Variants in HTR1F observed in about 807,000 individuals in gnomAD.
HTR1F encodes the protein 5-hydroxytryptamine receptor 1F, also known as 5-hydroxytryptamine (serotonin) receptor 1F, G protein-coupled.
Under a neutral mutation model 24.0 loss-of-function variants are expected in HTR1F, and 17 were observed. The ratio of observed to expected loss-of-function variants is 0.71; its 90% CI spans 0.48 to 1.06. The LOEUF (loss-of-function observed/expected upper bound fraction) is 1.06, where lower values mean the gene tolerates loss of function less well. Ranked by LOEUF, HTR1F falls within the 50% of genes least tolerant of loss-of-function variation. The pLI is 0.00. For synonymous variants in HTR1F, 186 were observed against 156.8 expected, an observed-to-expected ratio of 1.19 and a Z score of -1.39; for missense variants, 391 against 427.8, an observed-to-expected ratio of 0.91 and a Z score of 0.76.
chr3:87,990,138 A>G (rs1294936070), intron 2 of HTR1F, among the ~76,000 whole-genome samples: 1 of 152,148 alleles, frequency 6.6e-6, no homozygotes, highest in Admixed American at 6.5e-5. Context: ...GAGTTTCTTC[A>G]GACCCCCAAT....
intron 2 of HTR1F, among the ~76,000 whole-genome samples, chr3:87,830,682 A>T (rs1258965244): frequency 6.6e-6 from 1 of 152,166 alleles, no homozygotes; most frequent in Non-Finnish European, 1.5e-5. Flanking sequence ...CTGAATCTTT[A>T]TATTTTTACA....
chr3:87,950,584 G>A (rs2107460662), intron 2 of HTR1F, among the ~76,000 whole-genome samples: 1 of 151,452 alleles, frequency 6.6e-6, no homozygotes, highest in Admixed American at 6.6e-5. Flanking sequence ...GAGGAGTAAA[G>A]AGAATTATTT....
intron 1 of HTR1F, among the ~76,000 whole-genome samples, chr3:87,815,854 C>A (rs556693408): frequency 6.6e-6 from 1 of 152,196 alleles, no homozygotes; most frequent in East Asian, 1.9e-4. Flanking sequence ...CCCAGCATTT[C>A]ACTCATCTCC....
At chr3:87,951,270 A>G (rs6551260) in intron 2 of HTR1F, among the ~76,000 whole-genome samples, 40,414 of 152,054 alleles carry the variant, frequency 0.27, 5,816 homozygotes, top group African/African-American at 0.38. Context: ...CAGCATTACC[A>G]CGAAGAACAA....
rs1705873685 is a variant in HTR1F, at chr3:87,993,216, A to G, written c.*1366A>G. ...CCTTCCTGATGGTGTGGTTAAGAGT[A>G]CATTACATCAATTTTATGTATATAT... On this transcript the variant is annotated 3_prime_UTR_variant, in exon 3 of 3. Transcript: ENST00000319595. The G allele has an allele frequency of 6.0e-6, 1 of 166,852 alleles. No individual in the cohort carries two copies. The highest frequency in any genetic ancestry group is 1.5e-5 in the Non-Finnish European group (1 of 68,068). The allele number at this position is 166,852 out of a possible 1,614,324, so 10.3% of individuals were successfully genotyped here. A position where few individuals can be genotyped will look rare whatever the true frequency, so the allele number is the denominator to read the frequency against.
rs565182880 is a variant in HTR1F, at chr3:87,966,337, A to G, written c.-42-24371A>G. Among the ~76,000 whole-genome samples, 19 of 152,346 alleles carry G rather than the reference A, an allele frequency of 1.2e-4. No homozygotes were observed. The South Asian group carries it at 3.7e-3, about 30-fold the overall frequency. On this transcript the variant is annotated intron_variant, in intron 2 of 2. Transcript: ENST00000319595. ...TTTTAATGTATAAATTTGGGTAGAC[A>G]TAAACAATTCACACCATGGCAGAAA...
chr3:87,906,363 C>A (rs1040064791), intron 2 of HTR1F, among the ~76,000 whole-genome samples: 33 of 151,942 alleles, frequency 2.2e-4, no homozygotes, highest in African/African-American at 7.5e-4. Flanking sequence ...CATTATATGA[C>A]TATTTTGATA....
chr3:87,955,943 C>T (rs140671986), intron 2 of HTR1F, among the ~76,000 whole-genome samples: 1 of 151,338 alleles, frequency 6.6e-6, no homozygotes, highest in African/African-American at 2.4e-5. Context: ...GGTCTGGATA[C>T]AAATATTTTA....
At chr3:87,847,485 A>G (rs1704971974) in intron 2 of HTR1F, among the ~76,000 whole-genome samples, 1 of 151,864 alleles carries the variant, frequency 6.6e-6, no homozygotes, top group African/African-American at 2.4e-5. Flanking sequence ...TGACCAAATC[A>G]AGGTATTTGG....
intron 2 of HTR1F, among the ~76,000 whole-genome samples, chr3:87,973,804 T>C (rs2107500201): frequency 6.6e-6 from 1 of 152,362 alleles, no homozygotes; most frequent in South Asian, 2.1e-4. Flanking sequence ...TTATGATTTT[T>C]ATTATCCATC....
At chr3:87,858,936 C>T (rs1224770970) in intron 2 of HTR1F, among the ~76,000 whole-genome samples, 4 of 152,130 alleles carry the variant, frequency 2.6e-5, no homozygotes, top group Non-Finnish European at 5.9e-5. Context: ...TGGCTCATGC[C>T]TGTAATCCCA....
chr3:87,808,015 G>A (rs1320882462), intron 1 of HTR1F, among the ~76,000 whole-genome samples: 1 of 151,592 alleles, frequency 6.6e-6, no homozygotes, highest in Non-Finnish European at 1.5e-5. Flanking sequence ...TGTTGGATTT[G>A]GTTTGCTAGT....
chr3:87,801,930 T>G (rs1372897796), intron 1 of HTR1F, among the ~76,000 whole-genome samples: 1 of 152,222 alleles, frequency 6.6e-6, no homozygotes, highest in East Asian at 1.9e-4. Flanking sequence ...ATACTTTGTT[T>G]TTAAGTCATT....
intron 2 of HTR1F, among the ~76,000 whole-genome samples, chr3:87,969,333 A>G (rs972150418): frequency 2.6e-5 from 4 of 152,220 alleles, no homozygotes; most frequent in Non-Finnish European, 2.9e-5. Flanking sequence ...CTGTGAAAGC[A>G]GCCGGGAGGG....
rs1703957275 is a variant in HTR1F at position 87,799,311 on chromosome 3, C to T, written c.-160+6469C>T. Among the ~76,000 whole-genome samples, 3 of 152,098 alleles carry T rather than the reference C, an allele frequency of 2.0e-5. No individual in the cohort carries two copies. In the South Asian group the frequency reaches 6.2e-4, roughly 32 times the overall value. ...TCCAAGTCGTTATACATACTGCCTT[C>T]ATGATTTTTTTTCATACCTGCATAC... On this transcript the variant is annotated intron_variant, in intron 1 of 2. Transcript: ENST00000319595.
chr3:87,934,289 GC>G (rs1704358358), intron 2 of HTR1F, among the ~76,000 whole-genome samples: 1 of 152,194 alleles, frequency 6.6e-6, no homozygotes, highest in Non-Finnish European at 1.5e-5. Flanking sequence ...CAAGCACTGT[GC>G]AAAGTTGTAG....
rs1463648976 is a variant in HTR1F, at chr3:87,841,900, C to CAAA, written c.-43+19790_-43+19792dup. Among the ~76,000 whole-genome samples, 262 of 57,442 alleles carry CAAA rather than the reference C, an allele frequency of 4.6e-3. 8 individuals carry two copies. Among genetic ancestry groups the CAAA allele is most frequent in the African/African-American group, 0.014 (241 of 17,418 alleles). The allele number at this position is 57,442 out of a possible 152,430, so 37.7% of individuals were successfully genotyped here. ...GGGCAACAAGAGTGAGATTCTGTCT[C>CAAA]AAAAAAAAAAAAAAAAGAAAAAGAA... On this transcript the variant is annotated intron_variant, in intron 2 of 2. Coordinates refer to ENST00000319595, the MANE Select transcript of HTR1F (RefSeq NM_001322209.2).
chr3:87,932,578 G>A (rs1036991637), intron 2 of HTR1F, among the ~76,000 whole-genome samples: 5 of 152,082 alleles, frequency 3.3e-5, no homozygotes, highest in Non-Finnish European at 5.9e-5. Flanking sequence ...CCAATTCTGT[G>A]AAGAAAGTCA....
chr3:87,881,720 T>G (rs1380875331), intron 2 of HTR1F, among the ~76,000 whole-genome samples: 1 of 152,112 alleles, frequency 6.6e-6, no homozygotes, highest in East Asian at 1.9e-4. Flanking sequence ...CAAGATGGAT[T>G]AAAGACTTAA....
Sources: allele counts gnomAD v4.1 joint callset (sites outside exome capture counted in the v4.1 genomes callset), GRCh38; gene constraint gnomAD v4.1.1; transcripts MANE v1.5; gene names NCBI Gene and HGNC (gene_info 2026-07-23, HGNC 2026-07-21).